Variants in LEF1 observed in about 807,000 individuals in gnomAD.
LEF1 encodes the protein lymphoid enhancer-binding factor 1.
LEF1 carries 14 observed loss-of-function variants against 51.2 expected under a neutral mutation model. The ratio of observed to expected loss-of-function variants is 0.27; its 90% CI spans 0.18 to 0.43. The LOEUF is 0.43. LEF1 is among the 20% of genes least tolerant of loss of function. The pLI, the probability that LEF1 is intolerant of heterozygous loss-of-function variation, is 1.00. For missense variants in LEF1, 386 were observed against 512.0 expected (o/e 0.75, Z 2.37); for synonymous variants, 185 against 183.2 (o/e 1.01, Z -0.08).
At chr4:108,112,309 A>G (rs533487896) in intron 3 of LEF1, among the ~76,000 whole-genome samples, 13 of 152,202 alleles carry the variant, frequency 8.5e-5, no homozygotes, top group Non-Finnish European at 1.5e-4. Context: ...AATAGCTCCT[A>G]GGCTTGAGAG....
chr4:108,057,591 T>A (rs1393511998), intron 11 of LEF1, among the ~76,000 whole-genome samples: 1 of 152,284 alleles, frequency 6.6e-6, no homozygotes, highest in Non-Finnish European at 1.5e-5. Context: ...CTCTCACTGG[T>A]GCTTCTATTC....
chr4:108,109,858 G>A lies in LEF1; in HGVS notation c.415-20601C>T, dbSNP rs182362098. Among the ~76,000 whole-genome samples, 7 of 152,268 alleles carry A rather than the reference G, an allele frequency of 4.6e-5. No individual in the cohort carries two copies. In the East Asian group the frequency reaches 1.4e-3, roughly 29 times the overall value. ...GCTGAGATGGGAGGCTCTTGGGGAAGGGGGGCAGGCACAGCAGGTCTACAA... is the reference window on the plus strand; with the variant it reads ...GCTGAGATGGGAGGCTCTTGGGGAAAGGGGGCAGGCACAGCAGGTCTACAA... On this transcript the variant is annotated intron_variant, in intron 3 of 11. Transcript: ENST00000265165.
At chr4:108,129,086 T>A (rs1415909039) in intron 3 of LEF1, among the ~76,000 whole-genome samples, 7 of 152,174 alleles carry the variant, frequency 4.6e-5, no homozygotes, top group Non-Finnish European at 4.4e-5. Flanking sequence ...AATCAGGACA[T>A]CCCTTCTGCT....
rs555931326 is a variant in LEF1 at position 108,080,150 on chromosome 4, A to G, written c.723-536T>C. Among the ~76,000 whole-genome samples the G allele has an allele frequency of 1.5e-4, 23 of 152,350 alleles. No individual in the cohort carries two copies. In the East Asian group the frequency reaches 4.2e-3, roughly 28 times the overall value. Reference sequence around the variant, plus strand: ...GATCTCATCTTATGGAAAACTGGTAACAGAAATAAGGAGAAGAATTTAAAG... The same window carrying G: ...GATCTCATCTTATGGAAAACTGGTAGCAGAAATAAGGAGAAGAATTTAAAG... On this transcript the variant is annotated intron_variant, in intron 6 of 11. Coordinates refer to ENST00000265165, the MANE Select transcript of LEF1 (RefSeq NM_016269.5).
chr4:108,146,941 T>G (rs1458756202), intron 3 of LEF1, among the ~76,000 whole-genome samples: 1 of 152,098 alleles, frequency 6.6e-6, no homozygotes, highest in East Asian at 1.9e-4. Flanking sequence ...GTGTTTCCCT[T>G]AGTCTACACA....
At chr4:108,154,622 G>A (rs1322678926) in intron 3 of LEF1, among the ~76,000 whole-genome samples, 2 of 151,868 alleles carry the variant, frequency 1.3e-5, no homozygotes, top group Non-Finnish European at 2.9e-5. Context: ...CAGCCCAACT[G>A]TAATAAACAG....
At chr4:108,147,024 T>A (rs1211040337) in intron 3 of LEF1, among the ~76,000 whole-genome samples, 2 of 152,050 alleles carry the variant, frequency 1.3e-5, no homozygotes, top group African/African-American at 4.8e-5. Flanking sequence ...CCTGAATCTT[T>A]GGGAAGTGCA....
intron 3 of LEF1, among the ~76,000 whole-genome samples, chr4:108,127,931 G>T (rs527711806): frequency 3.9e-5 from 6 of 151,946 alleles, no homozygotes; most frequent in African/African-American, 1.5e-4. Flanking sequence ...CTCTCTGTAG[G>T]GTCTGTCCTG....
intron 8 of LEF1, among the ~76,000 whole-genome samples, chr4:108,077,615 C>T (rs1209749184): frequency 3.1e-5 from 3 of 98,064 alleles, no homozygotes; most frequent in African/African-American, 3.9e-5. Flanking sequence ...GCTGCCGCCC[C>T]GTCTGGGAAG....
rs1226598285 is a variant in LEF1 at position 108,124,986 on chromosome 4, A to C, written c.415-35729T>G. ...ATATCTGAAATGACCTCTCTACTAA[A>C]AGGCTAATCATATAGAGTTTAGCTC... On this transcript the variant is annotated intron_variant, in intron 3 of 11. Coordinates refer to ENST00000265165, the MANE Select transcript of LEF1 (RefSeq NM_016269.5). Among the ~76,000 whole-genome samples the C allele has an allele frequency of 5.3e-5, 8 of 152,100 alleles. No homozygotes were observed. The East Asian group carries it at 1.4e-3, about 26-fold the overall frequency.
chr4:108,150,055 C>T (rs907056468), intron 3 of LEF1, among the ~76,000 whole-genome samples: 1 of 151,956 alleles, frequency 6.6e-6, no homozygotes, highest in African/African-American at 2.4e-5. Flanking sequence ...AAAGGAAACT[C>T]ACTGTTGCAA....
chr4:108,128,872 AAAG>A (rs1397645083), intron 3 of LEF1, among the ~76,000 whole-genome samples: 31 of 152,328 alleles, frequency 2.0e-4, no homozygotes, highest in Admixed American at 1.6e-3. Context: ...ATTAAAAGAC[AAAG>A]AAGAAGAGAA....
At chr4:108,153,368 G>A (rs1158225659) in intron 3 of LEF1, among the ~76,000 whole-genome samples, 3 of 152,190 alleles carry the variant, frequency 2.0e-5, no homozygotes, top group Admixed American at 1.3e-4. Context: ...TTCAAGTCAC[G>A]TTCTCCAATG....
At chr4:108,115,272 T>A (rs1741763660) in intron 3 of LEF1, among the ~76,000 whole-genome samples, 1 of 152,204 alleles carries the variant, frequency 6.6e-6, no homozygotes, top group African/African-American at 2.4e-5. Context: ...ACAGTAGTAG[T>A]AAGTAGAAAC....
At chr4:108,065,450 C>A (rs1738003084) in intron 9 of LEF1, among the ~76,000 whole-genome samples, 1 of 152,036 alleles carries the variant, frequency 6.6e-6, no homozygotes, top group Admixed American at 6.5e-5. Context: ...CTCCACTGGG[C>A]CACAGAGTGA....
chr4:108,157,514 T>G (rs1194494039), intron 3 of LEF1, among the ~76,000 whole-genome samples: 1 of 152,092 alleles, frequency 6.6e-6, no homozygotes, highest in Non-Finnish European at 1.5e-5. Flanking sequence ...AGATCAAAAT[T>G]TCATCTGCAA....
intron 11 of LEF1, among the ~76,000 whole-genome samples, chr4:108,053,175 CACG>C (rs1462339185): frequency 1.3e-5 from 2 of 152,192 alleles, no homozygotes; most frequent in Non-Finnish European, 2.9e-5. Context: ...CCCAGGATAT[CACG>C]CTCTGTTTGA....
intron 2 of LEF1, among the ~76,000 whole-genome samples, chr4:108,164,044 G>A (rs931587807): frequency 1.3e-5 from 2 of 152,118 alleles, no homozygotes; most frequent in South Asian, 2.1e-4. Flanking sequence ...CTTTAAAAAT[G>A]TAATATAAAT....
chr4:108,054,733 A>T (rs1037236638), intron 11 of LEF1, among the ~76,000 whole-genome samples: 1 of 152,248 alleles, frequency 6.6e-6, no homozygotes, highest in African/African-American at 2.4e-5. Flanking sequence ...TGCTTCTAAA[A>T]GCATGATGCT....
Sources: gnomAD v4.1 joint callset for allele counts (sites outside exome capture counted in the v4.1 genomes callset) on GRCh38, gnomAD v4.1.1 for gene constraint, MANE v1.5 for transcripts, NCBI Gene and HGNC (gene_info 2026-07-23, HGNC 2026-07-21) for gene names.